FANCI: variants seen among roughly 807,000 people sequenced by gnomAD.
FANCI encodes the protein FA complementation group I, also known as Fanconi anemia group I protein.
A neutral mutation model predicts 176.1 loss-of-function variants in FANCI; 156 were observed. The ratio of observed to expected loss-of-function variants is 0.89; its 90% CI spans 0.78 to 1.01. The LOEUF (loss-of-function observed/expected upper bound fraction) is 1.01. Among genes scored for constraint, FANCI ranks in the 50% least tolerant of loss-of-function variants. The pLI is 0.00. For synonymous variants in FANCI, 613 were observed against 541.7 expected (o/e 1.13, Z -1.83); for missense variants, 1,678 against 1,534.1 (o/e 1.09, Z -1.57).
intron 1 of FANCI, chr15:89,245,852 A>G (rs2051942873): frequency 6.6e-6 from 1 of 152,298 alleles, no homozygotes; most frequent in African/African-American, 2.4e-5. Flanking sequence ...TTGTGTTTCA[A>G]AAACATCACT....
At position 89,264,781 on chromosome 15, in the gene FANCI, CTT is replaced by C. The variant is rs936842293; in HGVS notation, c.755+176_755+177del. ...AGAGAATAACATGATCTCTTCAGCT[CTT>C]TCATTTTCACCTTTCCAGGAAAATA... On this transcript the variant is annotated intron_variant, in intron 9 of 37. Transcript: ENST00000310775. 5.5e-6 allele frequency: 3 copies of C among 547,126 alleles called. No homozygotes were observed. The African/African-American group carries it at 5.8e-5, about 10-fold the overall frequency. 33.9% of individuals were successfully genotyped at this position (547,126 alleles called of 1,614,324 possible).
At chr15:89,259,524 C>G (rs1199281340) in intron 3 of FANCI, among the ~76,000 whole-genome samples, 1 of 152,160 alleles carries the variant, frequency 6.6e-6, no homozygotes, top group Non-Finnish European at 1.5e-5. Context: ...TACACTACTA[C>G]TAAATGGAAG....
chr15:89,287,280 C>G (rs1027139916), intron 18 of FANCI, among the ~76,000 whole-genome samples: 3 of 152,170 alleles, frequency 2.0e-5, no homozygotes, highest in Non-Finnish European at 4.4e-5. Context: ...GCCCCTTGCA[C>G]TTTTATGTTA....
chr15:89,315,193 G>A (rs756228894), intron 36 of FANCI, 89 bp from the exon 37 acceptor site: 1 of 948,064 alleles, frequency 1.1e-6, no homozygotes, highest in Non-Finnish European at 1.7e-6. Flanking sequence ...AAATGGAAAG[G>A]TTTCTCAGAG....
At chr15:89,283,383 T>C (rs1443506398) in intron 17 of FANCI, 133 bp downstream of exon 17, 1 of 1,359,538 alleles carries the variant, frequency 7.4e-7, no homozygotes, top group South Asian at 1.2e-5. Context: ...ATGATGATGA[T>C]GGTGCTGATG....
Position 89,300,273 on chromosome 15 carries a change from A to G in FANCI, c.2804-27A>G, listed in dbSNP as rs748456629. ...AAAAAGTATGAGTTTATATCAAAGA[A>G]GACAAGAGTTTCTTTTCCATTCCTA... On this transcript the variant is annotated intron_variant, in intron 25 of 37. Coordinates refer to ENST00000310775, the MANE Select transcript of FANCI (RefSeq NM_001113378.2). 5 of 1,603,728 alleles carry G rather than the reference A, an allele frequency of 3.1e-6. No homozygotes were observed. The East Asian group carries it at 1.1e-4, about 36-fold the overall frequency.
intron 24 of FANCI, among the ~76,000 whole-genome samples, chr15:89,299,297 C>T (rs536440229): frequency 6.6e-6 from 1 of 152,040 alleles, no homozygotes; most frequent in Non-Finnish European, 1.5e-5. Context: ...TAGGTCTATT[C>T]CGTGGTAAAT....
chr15:89,296,945 G>A (rs1596311405), intron 24 of FANCI, among the ~76,000 whole-genome samples: 2 of 149,036 alleles, frequency 1.3e-5, no homozygotes, highest in African/African-American at 5.0e-5. Flanking sequence ...CCTCCCGGAC[G>A]GGGCGGCTGG....
rs769097886 is a variant in FANCI, at chr15:89,294,976, C to G, written c.2518C>G (p.Arg840Gly). The G allele has an allele frequency of 6.4e-7, 1 of 1,552,208 alleles. No individual in the cohort carries two copies. Among genetic ancestry groups the G allele is most frequent in the Non-Finnish European group, 8.7e-7 (1 of 1,147,106 alleles). ...TCTCAGGTCCAGCAATGAGTTTATG[C>G]GCTATGCAGTGAATGTAGCTCTGCA... ...SVLRSSNEFM[R>G]YAVNVALQKV... Residue 840 changes from arginine to glycine, a missense_variant, in exon 24 of 38, where the codon CGC (arginine) becomes GGC (glycine). Physicochemically the swap from Arg to Gly is moderately radical, Grantham distance 125. Transcript: ENST00000310775.
intron 19 of FANCI, chr15:89,290,508 C>T: frequency 3.7e-6 from 2 of 536,986 alleles, no homozygotes; most frequent in Non-Finnish European, 6.7e-6. Flanking sequence ...AATTAACAGT[C>T]TGTATCCTAA....
At chr15:89,301,512 G>C in intron 27 of FANCI, 70 bp downstream of exon 27, 3 of 1,049,398 alleles carry the variant, frequency 2.9e-6, no homozygotes, top group Non-Finnish European at 4.5e-6. Context: ...TCATAAAAGT[G>C]TATATCTAAA....
chr15:89,312,925 T>C lies in FANCI; in HGVS notation c.3673T>C (p.Tyr1225His). The change falls in exon 35 of 38, where the codon TAT (tyrosine) becomes CAT (histidine). Residue 1225 changes from tyrosine (Y) to histidine (H), a missense_variant. Coordinates refer to ENST00000310775, the MANE Select transcript of FANCI (RefSeq NM_001113378.2). ...YVQNKSKSLN[Y>H]TGEKKEKPAA... is the part of the protein sequence containing the mutation. Reference sequence around the variant, plus strand: ...TTAGAATAAGAGTAAGAGCCTGAACTATACGGGAGAGAAAAAGGAGAAACC... The same window carrying C: ...TTAGAATAAGAGTAAGAGCCTGAACCATACGGGAGAGAAAAAGGAGAAACC... 1 of 1,613,734 alleles carries C rather than the reference T, an allele frequency of 6.2e-7. No individual in the cohort carries two copies. The highest frequency in any genetic ancestry group is 8.5e-7 in the Non-Finnish European group (1 of 1,179,866).
intron 11 of FANCI, 26 bp from the exon 12 acceptor site, chr15:89,274,142 A>G (rs1182828863): frequency 6.7e-7 from 1 of 1,484,700 alleles, no homozygotes; most frequent in South Asian, 1.3e-5. Context: ...TTATTTTTTC[A>G]TTTATTTTTA....
Position 89,316,477 on chromosome 15 carries a change from A to T in FANCI, c.*18A>T. ...AAAAATAAATGAAATGCCTGAGTTAATGTGAACTTTGGGGCTTCTGCTTCA... is the reference window on the plus strand; with the variant it reads ...AAAAATAAATGAAATGCCTGAGTTATTGTGAACTTTGGGGCTTCTGCTTCA... On this transcript the variant is annotated 3_prime_UTR_variant, in exon 38 of 38. Coordinates refer to ENST00000310775, the MANE Select transcript of FANCI (RefSeq NM_001113378.2). 1 of 1,602,478 alleles carries T rather than the reference A, an allele frequency of 6.2e-7. No individual in the cohort carries two copies.
At position 89,273,396 on chromosome 15, in the gene FANCI, C is replaced by G. The variant is rs757236694; in HGVS notation, c.902C>G (p.Ser301Cys). 2 of 1,601,880 alleles carry G rather than the reference C, an allele frequency of 1.2e-6. No homozygotes were observed. Among genetic ancestry groups the G allele is most frequent in the Non-Finnish European group, 8.5e-7 (1 of 1,170,770 alleles). The change falls in exon 11 of 38, where the codon TCC (serine) becomes TGC (cysteine). Residue 301 changes from serine to cysteine, a missense_variant. This residue lies in a region of FANCI where 469 missense variants were observed against 436.9 expected (regional missense o/e 1.07). Coordinates refer to ENST00000310775, the MANE Select transcript of FANCI (RefSeq NM_001113378.2). ...KHLKVGQQGDSNNNLSPFSIA... is the reference protein window; with the variant it reads ...KHLKVGQQGDCNNNLSPFSIA... ...TTCTAGGTAGGACAGCAAGGAGATT[C>G]CAATAATAACTTAAGTCCCTTCAGC...
chr15:89,281,734 G>T (rs566573924), intron 15 of FANCI, 31 bp from the exon 16 acceptor site: 1 of 1,606,554 alleles, frequency 6.2e-7, no homozygotes, highest in Non-Finnish European at 8.5e-7. Flanking sequence ...AAGCAAACTT[G>T]TTCTGTTTTT....
At chr15:89,286,799 A>G (rs984315876) in intron 18 of FANCI, among the ~76,000 whole-genome samples, 6 of 152,240 alleles carry the variant, frequency 3.9e-5, no homozygotes, top group Admixed American at 6.5e-5. Context: ...GAAGCCAGGC[A>G]TTGACTTCTC....
At chr15:89,283,108 T>C (rs776818181) in intron 16 of FANCI, 28 bp from the exon 17 acceptor site, 1 of 1,613,294 alleles carries the variant, frequency 6.2e-7, no homozygotes, top group Admixed American at 1.7e-5. Flanking sequence ...AATAGTACTG[T>C]TTGTTAACTT....
chr15:89,281,340 G>C (rs1404878915), intron 15 of FANCI, 40 bp downstream of exon 15: 9 of 1,611,178 alleles, frequency 5.6e-6, no homozygotes, highest in Middle Eastern at 1.7e-4. Flanking sequence ...CAAAACTGAG[G>C]TTTAACTGTC....
Sources: gnomAD v4.1 joint callset for allele counts (sites outside exome capture counted in the v4.1 genomes callset) on GRCh38, gnomAD v4.1.1 for gene constraint, gnomAD v4.1.1 regional missense constraint, MANE v1.5 for transcripts, NCBI Gene and HGNC (gene_info 2026-07-23, HGNC 2026-07-21) for gene names.